Variants in HFM1 observed in about 807,000 individuals in gnomAD.
The protein encoded by HFM1 is helicase for meiosis 1, also known as probable ATP-dependent DNA helicase HFM1.
A neutral mutation model predicts 192.1 loss-of-function variants in HFM1; 169 were observed. That is an observed-to-expected ratio of 0.88 (90% CI 0.78 to 1.00). HFM1 has a LOEUF of 1.00. Ranked by LOEUF, HFM1 falls within the 50% of genes least tolerant of loss-of-function variation. The pLI is 0.00. For missense variants in HFM1, 1,661 were observed against 1,668.0 expected (o/e 1.00, Z 0.07); for synonymous variants, 525 against 537.8 (o/e 0.98, Z 0.33).
intron 20 of HFM1, chr1:91,328,476 C>T (rs1400309821): frequency 1.9e-6 from 3 of 1,613,414 alleles, no homozygotes; most frequent in Non-Finnish European, 2.5e-6. Flanking sequence ...GTAAGGTGGC[C>T]ATTGATGCCT....
intron 30 of HFM1, among the ~76,000 whole-genome samples, chr1:91,310,288 G>GA (rs1050025146): frequency 7.3e-5 from 11 of 150,434 alleles, no homozygotes; most frequent in Admixed American, 6.6e-5. Context: ...AATATGGATG[G>GA]AAAAAAAAAC....
At chr1:91,328,316 T>C in intron 20 of HFM1, 1 of 1,453,454 alleles carries the variant, frequency 6.9e-7, no homozygotes, top group Admixed American at 2.3e-5. Flanking sequence ...AGGGCAACCC[T>C]GAATCAAGCT....
intron 30 of HFM1, among the ~76,000 whole-genome samples, chr1:91,299,794 G>A (rs1323246767): frequency 6.6e-6 from 1 of 152,074 alleles, no homozygotes; most frequent in Non-Finnish European, 1.5e-5. Flanking sequence ...AGTGTGTAGA[G>A]GGAAATTTAT....
At chr1:91,402,570 T>C (rs1363627306) in intron 1 of HFM1, among the ~76,000 whole-genome samples, 4 of 152,116 alleles carry the variant, frequency 2.6e-5, no homozygotes, top group African/African-American at 9.6e-5. Context: ...AGGGAGTCAT[T>C]CAGAAATATG....
intron 13 of HFM1, among the ~76,000 whole-genome samples, chr1:91,364,621 TATATA>T (rs1658995751): frequency 2.9e-5 from 1 of 34,462 alleles, no homozygotes; most frequent in Non-Finnish European, 6.4e-5. Context: ...TATATATATA[TATATA>T]TATATATTTT....
intron 26 of HFM1, 96 bp downstream of exon 26, chr1:91,316,295 A>T (rs1651210824): frequency 2.0e-6 from 2 of 998,430 alleles, no homozygotes; most frequent in Non-Finnish European, 3.0e-6. Context: ...AAGTAAGTTG[A>T]AATACTTATA....
intron 4 of HFM1, among the ~76,000 whole-genome samples, chr1:91,393,539 T>C (rs564547459): frequency 6.6e-6 from 1 of 152,146 alleles, no homozygotes; most frequent in Non-Finnish European, 1.5e-5. Context: ...AGATCTCATA[T>C]CCAATAATCA....
At chr1:91,292,597 G>T (rs1336917749) in intron 30 of HFM1, among the ~76,000 whole-genome samples, 1 of 151,990 alleles carries the variant, frequency 6.6e-6, no homozygotes, top group African/African-American at 2.4e-5. Context: ...CGGGTAGGAA[G>T]AATCAATATC....
chr1:91,288,865 TG>T (rs1668341661), intron 30 of HFM1, among the ~76,000 whole-genome samples: 1 of 152,238 alleles, frequency 6.6e-6, no homozygotes, highest in African/African-American at 2.4e-5. Context: ...ATCGTCATCA[TG>T]GCCCTTTCTC....
At position 91,401,028 on chromosome 1, in the gene HFM1, GT is replaced by G; in HGVS notation, c.54del (p.Lys18AsnfsTer24). On this transcript the variant is annotated frameshift_variant, in exon 2 of 39. Transcript: ENST00000370425. LOFTEE classifies it high-confidence loss of function. The stretch of plus-strand genomic sequence containing the variant: ...GAGACTTACTTTTCAACTTCATCTG[GT>G]TTTTCAAAAAACAAATTTTCCAAAG... The part of the protein sequence containing the change: ...LFSLENLFFE[K>X]PDEVENHPDN... 1 of 1,535,660 alleles carries G rather than the reference GT, an allele frequency of 6.5e-7. No homozygotes were observed. The highest frequency in any genetic ancestry group is 8.8e-7 in the Non-Finnish European group (1 of 1,135,706).
At chr1:91,350,678 A>G in intron 18 of HFM1, 60 bp downstream of exon 18, 1 of 1,515,422 alleles carries the variant, frequency 6.6e-7, no homozygotes, top group Non-Finnish European at 9.1e-7. Context: ...ACTTATTAGT[A>G]TAAATACAGG....
chr1:91,320,267 G>A (rs1651894110), intron 23 of HFM1, among the ~76,000 whole-genome samples: 1 of 152,144 alleles, frequency 6.6e-6, no homozygotes, highest in African/African-American at 2.4e-5. Context: ...TTTAGCACAA[G>A]ATACATGAAA....
intron 30 of HFM1, among the ~76,000 whole-genome samples, chr1:91,281,406 A>G (rs1452342878): frequency 6.6e-6 from 1 of 152,088 alleles, no homozygotes; most frequent in East Asian, 1.9e-4. Flanking sequence ...TCACCCATTT[A>G]TTCCCCCCTC....
At chr1:91,366,900 C>T (rs1224495466) in intron 13 of HFM1, among the ~76,000 whole-genome samples, 1 of 152,240 alleles carries the variant, frequency 6.6e-6, no homozygotes, top group Non-Finnish European at 1.5e-5. Context: ...AATCGGGTCA[C>T]TCCCACCCTA....
chr1:91,264,547 G>C (rs2100680612), intron 36 of HFM1, among the ~76,000 whole-genome samples: 1 of 148,880 alleles, frequency 6.7e-6, no homozygotes, highest in Admixed American at 6.7e-5. Context: ...TAATTTTTTT[G>C]TATTTTTAGT....
At chr1:91,294,045 G>A (rs1033302410) in intron 30 of HFM1, among the ~76,000 whole-genome samples, 1 of 135,212 alleles carries the variant, frequency 7.4e-6, no homozygotes, top group African/African-American at 2.8e-5. Context: ...TCTGGGGACT[G>A]TGGTGGGGTG....
chr1:91,379,626 A>G (rs1661314527), intron 8 of HFM1, among the ~76,000 whole-genome samples: 1 of 151,612 alleles, frequency 6.6e-6, no homozygotes, highest in South Asian at 2.1e-4. Flanking sequence ...GTAATAGCCA[A>G]AAAGAACTAA....
intron 11 of HFM1, among the ~76,000 whole-genome samples, chr1:91,377,154 A>G (rs1314335374): frequency 6.6e-6 from 1 of 151,894 alleles, no homozygotes; most frequent in African/African-American, 2.4e-5. Context: ...AAGTATGTAC[A>G]TTATGCTTCC....
intron 30 of HFM1, among the ~76,000 whole-genome samples, chr1:91,302,496 T>C (rs567068589): frequency 2.7e-4 from 41 of 152,158 alleles, no homozygotes; most frequent in African/African-American, 9.4e-4. Flanking sequence ...ATGTTTATTG[T>C]GGCCCTATTC....
Sources: gnomAD v4.1 joint callset for allele counts (sites outside exome capture counted in the v4.1 genomes callset) on GRCh38, gnomAD v4.1.1 for gene constraint, MANE v1.5 for transcripts, NCBI Gene and HGNC (gene_info 2026-07-23, HGNC 2026-07-21) for gene names.